KIF6: variants seen among roughly 807,000 people sequenced by gnomAD.
The protein encoded by KIF6 is kinesin family member 6.
KIF6 carries 106 observed loss-of-function variants against 112.7 expected under a neutral mutation model. That is an observed-to-expected ratio of 0.94 (90% CI 0.80 to 1.11). The LOEUF (loss-of-function observed/expected upper bound fraction) is 1.11, where lower values mean the gene tolerates loss of function less well. Among genes scored for constraint, KIF6 ranks in the 50% least tolerant of loss-of-function variants. The pLI is 0.00. For synonymous variants in KIF6, 339 were observed against 339.9 expected (o/e 1.00, Z 0.03); for missense variants, 929 against 964.0 (o/e 0.96, Z 0.48).
chr6:39,701,557 A>G (rs1788876823), intron 3 of KIF6, among the ~76,000 whole-genome samples: 1 of 152,226 alleles, frequency 6.6e-6, no homozygotes, highest in African/African-American at 2.4e-5. Context: ...GTCTCACAGG[A>G]CTTCACTTAC....
chr6:39,524,742 T>C (rs1777606012), intron 13 of KIF6, among the ~76,000 whole-genome samples: 1 of 152,202 alleles, frequency 6.6e-6, no homozygotes, highest in East Asian at 1.9e-4. Context: ...GCTGGCAAAG[T>C]TGCAATACAG....
intron 22 of KIF6, 71 bp from the exon 23 acceptor site, chr6:39,336,619 G>C (rs1562101282): frequency 7.5e-6 from 11 of 1,468,646 alleles, no homozygotes; most frequent in South Asian, 1.1e-5. Flanking sequence ...GATTGAATCG[G>C]GGGGAGGGGA....
chr6:39,587,207 C>T lies in KIF6; in HGVS notation c.847-803G>A, dbSNP rs141196668. Among the ~76,000 whole-genome samples, 94 of 152,220 alleles carry T rather than the reference C, an allele frequency of 6.2e-4. No homozygotes were observed. In the Middle Eastern group the frequency reaches 0.01, roughly 17 times the overall value. ...GGGGCTCAGGGTTATCCCGGGCAGA[C>T]AAATCCAGTGCTAGAATGTTCATTA... On this transcript the variant is annotated intron_variant, in intron 7 of 22. Transcript: ENST00000287152.
At position 39,701,104 on chromosome 6, in the gene KIF6, T is replaced by C. The variant is rs189409880; in HGVS notation, c.251+13588A>G. ...AATTCTGAAGAATTCTAACAACTTC[T>C]TGATATGTTTTATTGCGATGTTAAC... On this transcript the variant is annotated intron_variant, in intron 3 of 22. Coordinates refer to ENST00000287152, the MANE Select transcript of KIF6 (RefSeq NM_145027.6). 2.6e-5 allele frequency among the ~76,000 whole-genome samples: 4 copies of C among 152,378 alleles called. No individual in the cohort carries two copies. In the East Asian group the frequency reaches 5.8e-4, roughly 22 times the overall value.
chr6:39,583,427 C>T (rs1169890258), intron 9 of KIF6: 1 of 471,604 alleles, frequency 2.1e-6, no homozygotes, highest in Non-Finnish European at 4.4e-6. Flanking sequence ...CAGATCCTGC[C>T]TCACTCATTG....
intron 3 of KIF6, among the ~76,000 whole-genome samples, chr6:39,673,381 AAC>A (rs971146330): frequency 2.8e-4 from 43 of 152,342 alleles, no homozygotes; most frequent in Admixed American, 2.7e-3. Flanking sequence ...AAGGACAACC[AAC>A]ACAATTATAA....
intron 14 of KIF6, among the ~76,000 whole-genome samples, chr6:39,424,014 T>C (rs1205337989): frequency 6.6e-6 from 1 of 152,058 alleles, no homozygotes; most frequent in Non-Finnish European, 1.5e-5. Flanking sequence ...TGCTCCCCAG[T>C]GACCTCGGGA....
intron 7 of KIF6, among the ~76,000 whole-genome samples, 193 bp downstream of exon 7, chr6:39,595,861 C>G (rs1033472267): frequency 1.4e-4 from 21 of 151,970 alleles, no homozygotes; most frequent in African/African-American, 5.1e-4. Flanking sequence ...ATGGATAGTG[C>G]CAATGGTTAT....
intron 13 of KIF6, among the ~76,000 whole-genome samples, chr6:39,453,402 T>C (rs917105262): frequency 4.6e-5 from 7 of 152,222 alleles, no homozygotes; most frequent in African/African-American, 1.7e-4. Flanking sequence ...TCTTTTACAA[T>C]AGCTGCCCAT....
chr6:39,649,205 G>T (rs1233289630), intron 3 of KIF6, among the ~76,000 whole-genome samples: 1 of 151,986 alleles, frequency 6.6e-6, no homozygotes, highest in Non-Finnish European at 1.5e-5. Flanking sequence ...GCATGTTCTG[G>T]CAACATCATT....
At chr6:39,486,791 G>T (rs983112909) in intron 13 of KIF6, among the ~76,000 whole-genome samples, 1 of 152,144 alleles carries the variant, frequency 6.6e-6, no homozygotes, top group Non-Finnish European at 1.5e-5. Context: ...TGATTGCAAA[G>T]GTTGCATGAA....
intron 20 of KIF6, among the ~76,000 whole-genome samples, chr6:39,346,049 G>GCTCGCTCTCTCT (rs1554196850): frequency 3.4e-5 from 1 of 28,994 alleles, no homozygotes; most frequent in African/African-American, 1.3e-4. Flanking sequence ...AAACTACAGT[G>GCTCGCTCTCTCT]CTCTCTCTCT....
chr6:39,711,542 T>A (rs1395825689), intron 3 of KIF6, among the ~76,000 whole-genome samples: 3 of 152,034 alleles, frequency 2.0e-5, no homozygotes, highest in East Asian at 1.9e-4. Context: ...AGCTGATTTT[T>A]AAAATTATTT....
chr6:39,552,550 CTT>C (rs1779446877), intron 10 of KIF6, among the ~76,000 whole-genome samples: 1 of 152,192 alleles, frequency 6.6e-6, no homozygotes, highest in Non-Finnish European at 1.5e-5. Flanking sequence ...AATCCCCACT[CTT>C]TGCATTCATA....
chr6:39,387,345 CCTTTAT>C (rs1767512858), intron 15 of KIF6, among the ~76,000 whole-genome samples: 1 of 152,118 alleles, frequency 6.6e-6, no homozygotes, highest in Admixed American at 6.6e-5. Context: ...TTCGACTTGC[CCTTTAT>C]GGAGGTCAAA....
chr6:39,448,676 G>A (rs928759738), intron 13 of KIF6, among the ~76,000 whole-genome samples: 2 of 152,076 alleles, frequency 1.3e-5, no homozygotes, highest in African/African-American at 4.8e-5. Flanking sequence ...CCAACCTTCA[G>A]ATATTGTTTA....
intron 16 of KIF6, among the ~76,000 whole-genome samples, chr6:39,369,641 C>T (rs1426144187): frequency 6.6e-6 from 1 of 152,200 alleles, no homozygotes; most frequent in Non-Finnish European, 1.5e-5. Flanking sequence ...AGATCTGCTC[C>T]TTCTCACCAG....
intron 13 of KIF6, among the ~76,000 whole-genome samples, chr6:39,451,054 A>G (rs1772669799): frequency 6.6e-6 from 1 of 152,152 alleles, no homozygotes; most frequent in African/African-American, 2.4e-5. Context: ...TGGATTTTAC[A>G]TTGCTTTATA....
At chr6:39,505,717 G>T (rs973809071) in intron 13 of KIF6, among the ~76,000 whole-genome samples, 5 of 152,136 alleles carry the variant, frequency 3.3e-5, no homozygotes, top group South Asian at 2.1e-4. Context: ...CTTCTCAAAA[G>T]AAGACATACA....
Sources: gnomAD v4.1 joint callset for allele counts (sites outside exome capture counted in the v4.1 genomes callset) on GRCh38, gnomAD v4.1.1 for gene constraint, MANE v1.5 for transcripts, NCBI Gene and HGNC (gene_info 2026-07-23, HGNC 2026-07-21) for gene names.